CDH18: variants seen among roughly 807,000 people sequenced by gnomAD.
CDH18 encodes the protein cadherin 18, also known as cadherin-18.
A neutral mutation model predicts 67.9 loss-of-function variants in CDH18; 31 were observed. The ratio of observed to expected loss-of-function variants is 0.46; its 90% CI spans 0.34 to 0.62. CDH18 has a LOEUF of 0.62. Among genes scored for constraint, CDH18 ranks in the 20% least tolerant of loss-of-function variants. The pLI is 0.01. For synonymous variants in CDH18, 362 were observed against 347.2 expected, an observed-to-expected ratio of 1.04 and a Z score of -0.48; for missense variants, 890 against 975.5, an observed-to-expected ratio of 0.91 and a Z score of 1.17.
intron 12 of CDH18, among the ~76,000 whole-genome samples, chr5:19,475,030 A>G (rs953468955): frequency 5.3e-5 from 8 of 152,104 alleles, no homozygotes; most frequent in African/African-American, 1.9e-4. Context: ...CTGATATTCT[A>G]GGCTTTATGA....
At chr5:19,681,954 C>T (rs1224001891) in intron 5 of CDH18, among the ~76,000 whole-genome samples, 1 of 151,776 alleles carries the variant, frequency 6.6e-6, no homozygotes, top group African/African-American at 2.4e-5. Context: ...ATACTCAATA[C>T]CACAGAAAGT....
chr5:19,643,477 C>T (rs1444888281), intron 5 of CDH18, among the ~76,000 whole-genome samples: 3 of 152,036 alleles, frequency 2.0e-5, no homozygotes, highest in Non-Finnish European at 4.4e-5. Flanking sequence ...TTTATTTATG[C>T]AATGAAGTGT....
At chr5:20,341,743 A>G (rs575168668) in intron 1 of CDH18, among the ~76,000 whole-genome samples, 2 of 152,148 alleles carry the variant, frequency 1.3e-5, no homozygotes, top group South Asian at 4.2e-4. Flanking sequence ...AGTAGACCCA[A>G]AAATGCTAAG....
At chr5:20,396,470 TG>T (rs1194367902) in intron 1 of CDH18, among the ~76,000 whole-genome samples, 2 of 151,820 alleles carry the variant, frequency 1.3e-5, no homozygotes, top group Non-Finnish European at 2.9e-5. Flanking sequence ...TAATGATAAC[TG>T]CTTATCATTA....
intron 2 of CDH18, among the ~76,000 whole-genome samples, chr5:20,108,934 A>G (rs1053376600): frequency 1.3e-5 from 2 of 152,196 alleles, no homozygotes; most frequent in African/African-American, 2.4e-5. Context: ...CCTCACATGT[A>G]TGTAATAATA....
intron 2 of CDH18, among the ~76,000 whole-genome samples, chr5:20,189,755 G>T (rs1318704127): frequency 6.6e-6 from 1 of 152,094 alleles, no homozygotes; most frequent in East Asian, 1.9e-4. Flanking sequence ...GTCCGGTGTT[G>T]AATTTTTTAT....
At chr5:19,536,503 T>G (rs1221672480) in intron 9 of CDH18, among the ~76,000 whole-genome samples, 1 of 152,220 alleles carries the variant, frequency 6.6e-6, no homozygotes, top group Admixed American at 6.5e-5. Context: ...TTAAGGAAAT[T>G]GATACACGTG....
chr5:19,646,300 TA>T lies in CDH18; in HGVS notation c.644-33700del, dbSNP rs1261721698. The stretch of plus-strand genomic sequence containing the variant: ...AGCCTACGTGAGAAAAAAGTGCATT[TA>T]AAAAAAATACAACATTCATCAATAA... On this transcript the variant is annotated intron_variant, in intron 5 of 12. Coordinates refer to ENST00000382275, the MANE Select transcript of CDH18 (RefSeq NM_004934.5). Among the ~76,000 whole-genome samples the T allele has an allele frequency of 3.3e-5, 5 of 151,946 alleles. No homozygotes were observed. The South Asian group carries it at 6.3e-4, about 19-fold the overall frequency.
intron 1 of CDH18, among the ~76,000 whole-genome samples, chr5:20,489,088 C>T (rs1388243026): frequency 6.6e-6 from 1 of 152,008 alleles, no homozygotes; most frequent in Non-Finnish European, 1.5e-5. Flanking sequence ...TTTCATATCT[C>T]TATTACATAC....
chr5:19,821,222 G>A (rs1350471423), intron 3 of CDH18, among the ~76,000 whole-genome samples: 1 of 152,032 alleles, frequency 6.6e-6, no homozygotes, highest in Non-Finnish European at 1.5e-5. Flanking sequence ...ATCCTAGAGT[G>A]CAACAATGAC....
At chr5:19,526,988 C>G (rs937434297) in intron 9 of CDH18, among the ~76,000 whole-genome samples, 1 of 151,804 alleles carries the variant, frequency 6.6e-6, no homozygotes, top group African/African-American at 2.4e-5. Context: ...TATTTTTGGT[C>G]TGTCTGATTT....
chr5:19,514,983 T>A (rs347717), intron 10 of CDH18, among the ~76,000 whole-genome samples: 3 of 152,208 alleles, frequency 2.0e-5, no homozygotes, highest in Admixed American at 6.5e-5. Flanking sequence ...GTTTTAGGTC[T>A]AACATTTAAG....
Position 20,276,432 on chromosome 5 carries a change from A to G in CDH18, c.-579-20927T>C, listed in dbSNP as rs191548354. On this transcript the variant is annotated intron_variant, in intron 1 of 14. Coordinates refer to the CDH18 transcript ENST00000507958. ...CCTTGATGTTATTTCTAGACCCACA[A>G]TGGGCCAGAAGGGAACCCACTGTCT... is the stretch of plus-strand genomic sequence containing the variant. Among the ~76,000 whole-genome samples, 13 of 152,254 alleles carry G rather than the reference A, an allele frequency of 8.5e-5. 1 individual carries two copies. In the East Asian group the frequency reaches 2.1e-3, roughly 25 times the overall value.
chr5:20,163,446 T>C (rs1312963270), intron 2 of CDH18, among the ~76,000 whole-genome samples: 2 of 152,224 alleles, frequency 1.3e-5, no homozygotes, highest in Non-Finnish European at 2.9e-5. Context: ...CTCTCTTGTA[T>C]TGTCTTGTTG....
At chr5:20,282,403 C>A (rs1290753404) in intron 1 of CDH18, among the ~76,000 whole-genome samples, 6 of 151,948 alleles carry the variant, frequency 3.9e-5, no homozygotes, top group African/African-American at 4.8e-5. Flanking sequence ...TACCTAATTT[C>A]TTGAGAGTTT....
chr5:19,646,117 T>C (rs1270419685), intron 5 of CDH18, among the ~76,000 whole-genome samples: 1 of 151,828 alleles, frequency 6.6e-6, no homozygotes, highest in Admixed American at 6.6e-5. Context: ...GTATAATATG[T>C]TGAAGGAAAA....
rs60858438 is a variant in CDH18 at position 20,573,806 on chromosome 5, AAT to A, written c.-580+1654_-580+1655del. 7.2e-3 allele frequency among the ~76,000 whole-genome samples: 854 copies of A among 118,960 alleles called. 13 individuals are homozygous for A. The highest frequency in any genetic ancestry group is 0.027 in the East Asian group (80 of 2,992). 78.0% of individuals were successfully genotyped at this position (118,960 alleles called of 152,430 possible). A position where few individuals can be genotyped will look rare whatever the true frequency, so the allele number is the denominator to read the frequency against. On this transcript the variant is annotated intron_variant, in intron 1 of 14. Coordinates refer to the CDH18 transcript ENST00000507958. ...TCCCCCAAATATAATACTTAAAAGA[AAT>A]ATATATATATATATATATATATATA...
chr5:20,300,092 A>T (rs2149964084), intron 1 of CDH18, among the ~76,000 whole-genome samples: 1 of 152,268 alleles, frequency 6.6e-6, no homozygotes, highest in African/African-American at 2.4e-5. Flanking sequence ...CTTAAAAAAA[A>T]ATCAAGTCTG....
chr5:19,966,352 A>T lies in CDH18; in HGVS notation c.-257+14708T>A, dbSNP rs186943544. ...TTAGTTAGGCTTCTAATCTTTAATC[A>T]CTAAAAGTATGAAGGCCTGAGAGAA... On this transcript the variant is annotated intron_variant, in intron 2 of 12. Transcript: ENST00000382275. Among the ~76,000 whole-genome samples, 122 of 152,276 alleles carry T rather than the reference A, an allele frequency of 8.0e-4. No homozygotes were observed. The East Asian group carries it at 9.9e-3, about 12-fold the overall frequency.
Sources: allele counts gnomAD v4.1 joint callset (sites outside exome capture counted in the v4.1 genomes callset), GRCh38; gene constraint gnomAD v4.1.1; transcripts MANE v1.5; gene names NCBI Gene and HGNC (gene_info 2026-07-23, HGNC 2026-07-21).